Variants in POFUT3 observed in about 807,000 individuals in gnomAD.
The protein encoded by POFUT3 is GDP-fucose protein O-fucosyltransferase 3.
chr8:33,454,343 A>G, the POFUT3 span, among the ~76,000 whole-genome samples: 1 of 152,066 alleles, frequency 6.6e-6, no homozygotes, highest in Non-Finnish European at 1.5e-5. Context: ...AGCCAGCAAC[A>G]CTGCATCTCT....
At chr8:33,368,867 G>A in the POFUT3 span, among the ~76,000 whole-genome samples, 7 of 152,196 alleles carry the variant, frequency 4.6e-5, no homozygotes, top group Non-Finnish European at 1.0e-4. Flanking sequence ...AAATCCCATG[G>A]AGGGTGGGAA....
the POFUT3 span, chr8:33,453,325 C>T: frequency 1.4e-5 from 22 of 1,614,060 alleles, no homozygotes; most frequent in Middle Eastern, 1.6e-4. Context: ...CCCCCGTCAG[C>T]GGGGACCACC....
the POFUT3 span, among the ~76,000 whole-genome samples, chr8:33,424,689 C>G: frequency 2.0e-5 from 3 of 152,256 alleles, no homozygotes; most frequent in Admixed American, 2.0e-4. Flanking sequence ...CTTGGATTCC[C>G]CTTCGACATT....
At chr8:33,315,166 G>A in the POFUT3 span, among the ~76,000 whole-genome samples, 1 of 152,112 alleles carries the variant, frequency 6.6e-6, no homozygotes, top group Non-Finnish European at 1.5e-5. Flanking sequence ...AGTGAGCCTT[G>A]CCCAATAAAT....
At chr8:33,449,572 G>C in the POFUT3 span, among the ~76,000 whole-genome samples, 5 of 152,044 alleles carry the variant, frequency 3.3e-5, no homozygotes, top group Non-Finnish European at 5.9e-5. Flanking sequence ...TTACAGGCGT[G>C]AGCCGCCGCG....
the POFUT3 span, among the ~76,000 whole-genome samples, chr8:33,329,815 T>A: frequency 6.6e-6 from 1 of 152,238 alleles, no homozygotes; most frequent in South Asian, 2.1e-4. Flanking sequence ...TCAAAGAACA[T>A]TTTAGTTACT....
chr8:33,345,816 G>A, the POFUT3 span, among the ~76,000 whole-genome samples: 2 of 149,320 alleles, frequency 1.3e-5, no homozygotes, highest in Non-Finnish European at 3.0e-5. Flanking sequence ...ACAGAAGTTG[G>A]TATTTATTAC....
the POFUT3 span, among the ~76,000 whole-genome samples, chr8:33,317,886 C>T: frequency 6.6e-6 from 1 of 152,162 alleles, no homozygotes; most frequent in Non-Finnish European, 1.5e-5. Context: ...TCCAGCCTTA[C>T]TTCTCCATCC....
chr8:33,408,311 TAAA>T, the POFUT3 span, among the ~76,000 whole-genome samples: 1,928 of 138,864 alleles, frequency 0.014, 34 homozygotes, highest in African/African-American at 0.048. Context: ...CTCTGTCTCT[TAAA>T]AAAAAAAAAA....
At chr8:33,452,601 TA>T in the POFUT3 span, 1 of 152,124 alleles carries the variant, frequency 6.6e-6, no homozygotes, top group African/African-American at 2.4e-5. Context: ...AAAACTTTTT[TA>T]AAAGTTTTAA....
chr8:33,433,052 G>C, the POFUT3 span, among the ~76,000 whole-genome samples: 1 of 152,012 alleles, frequency 6.6e-6, no homozygotes, highest in South Asian at 2.1e-4. Flanking sequence ...TGACCACCAT[G>C]GCAAAACTCC....
the POFUT3 span, among the ~76,000 whole-genome samples, chr8:33,439,177 G>A: frequency 1.3e-5 from 2 of 152,106 alleles, no homozygotes; most frequent in African/African-American, 4.8e-5. Context: ...GGCCAAGGTG[G>A]GTGGATCAGT....
chr8:33,342,357 C>T, the POFUT3 span, among the ~76,000 whole-genome samples: 501 of 151,560 alleles, frequency 3.3e-3, 2 homozygotes, highest in African/African-American at 0.011. Flanking sequence ...ACCCTGTCCC[C>T]CCACAAAAAA....
chr8:33,335,835 C>T, the POFUT3 span, among the ~76,000 whole-genome samples: 4 of 152,060 alleles, frequency 2.6e-5, no homozygotes, highest in African/African-American at 9.7e-5. Context: ...AGTGAATCAT[C>T]ATAAAGGTCT....
chr8:33,310,162 C>A, the POFUT3 span, among the ~76,000 whole-genome samples: 18 of 152,154 alleles, frequency 1.2e-4, no homozygotes, highest in Middle Eastern at 3.4e-3. Flanking sequence ...TCATAGAATT[C>A]TTCTTATGAC....
At chr8:33,418,582 C>T in the POFUT3 span, among the ~76,000 whole-genome samples, 1 of 151,812 alleles carries the variant, frequency 6.6e-6, no homozygotes, top group African/African-American at 2.4e-5. Flanking sequence ...AGATTACAGG[C>T]GTGAGTCACC....
chr8:33,313,331 T>A, the POFUT3 span, among the ~76,000 whole-genome samples: 1 of 152,188 alleles, frequency 6.6e-6, no homozygotes, highest in Non-Finnish European at 1.5e-5. Flanking sequence ...TAAGTTTTTC[T>A]TTTTGATTTT....
the POFUT3 span, among the ~76,000 whole-genome samples, chr8:33,410,424 G>A: frequency 2.0e-4 from 31 of 152,240 alleles, no homozygotes; most frequent in Admixed American, 7.8e-4. Context: ...TTGTGTCGCC[G>A]GGCAGCCCCG....
the POFUT3 span, among the ~76,000 whole-genome samples, chr8:33,463,262 T>C: frequency 6.6e-6 from 1 of 152,208 alleles, no homozygotes; most frequent in African/African-American, 2.4e-5. Context: ...CCCAGCACTT[T>C]GGGAGGCCGA....
Sources: allele counts gnomAD v4.1 joint callset (sites outside exome capture counted in the v4.1 genomes callset), GRCh38; gene constraint gnomAD v4.1.1; transcripts MANE v1.5; gene names NCBI Gene and HGNC (gene_info 2026-07-23, HGNC 2026-07-21).